The following GPHN variants were observed in gnomAD, a reference collection of about 807,000 sequenced individuals.
GPHN encodes gephyrin.
Under a neutral mutation model 95.5 loss-of-function variants are expected in GPHN, and 17 were observed. The observed-to-expected ratio is 0.18, with a 90% confidence interval of 0.12 to 0.27. The LOEUF is 0.27. Among genes scored for constraint, GPHN ranks in the 10% least tolerant of loss-of-function variants. GPHN has a pLI of 1.00. For missense variants in GPHN, 660 were observed against 978.1 expected (o/e 0.67, Z 4.34); for synonymous variants, 320 against 322.5 (o/e 0.99, Z 0.08).
At chr14:66,621,373 C>A (rs1176442918) in intron 1 of GPHN, among the ~76,000 whole-genome samples, 1 of 151,492 alleles carries the variant, frequency 6.6e-6, no homozygotes, top group Non-Finnish European at 1.5e-5. Context: ...CCTCGGCCTC[C>A]CAAAGTGCTG....
At chr14:67,168,174 C>T (rs1459754857) in intron 20 of GPHN, among the ~76,000 whole-genome samples, 1 of 152,186 alleles carries the variant, frequency 6.6e-6, no homozygotes, top group East Asian at 1.9e-4. Context: ...GGCCTCTCTC[C>T]CTGGCTTGTA....
the GPHN span, among the ~76,000 whole-genome samples, chr14:67,263,267 C>T: frequency 2.0e-5 from 3 of 152,076 alleles, no homozygotes; most frequent in Non-Finnish European, 2.9e-5. Context: ...CTCTCTTGTC[C>T]TCCTCCCACC....
chr14:67,281,704 GAAAC>G, the GPHN span, among the ~76,000 whole-genome samples: 2 of 152,104 alleles, frequency 1.3e-5, no homozygotes, highest in Non-Finnish European at 2.9e-5. Flanking sequence ...TCACAGTAAA[GAAAC>G]AAATATAGCT....
the GPHN span, among the ~76,000 whole-genome samples, chr14:67,600,678 C>G: frequency 6.6e-6 from 1 of 152,172 alleles, no homozygotes; most frequent in African/African-American, 2.4e-5. Flanking sequence ...CCCCCGGGTT[C>G]AAGCGATTCT....
At chr14:67,226,043 C>T in the GPHN span, among the ~76,000 whole-genome samples, 5 of 152,002 alleles carry the variant, frequency 3.3e-5, no homozygotes, top group African/African-American at 7.2e-5. Flanking sequence ...TGGTGGACCA[C>T]GGGTGGCCTG....
At chr14:67,258,315 G>T in the GPHN span, among the ~76,000 whole-genome samples, 2 of 152,044 alleles carry the variant, frequency 1.3e-5, no homozygotes, top group Non-Finnish European at 2.9e-5. Context: ...CAGGTGGATC[G>T]CATGAGCTCA....
intron 1 of GPHN, among the ~76,000 whole-genome samples, chr14:66,643,215 A>G (rs2064532508): frequency 6.6e-6 from 1 of 152,118 alleles, no homozygotes; most frequent in Non-Finnish European, 1.5e-5. Context: ...ATATTTCTAC[A>G]CACCCACCAG....
chr14:66,854,520 A>G (rs528189075), intron 4 of GPHN, among the ~76,000 whole-genome samples: 298 of 152,350 alleles, frequency 2.0e-3, no homozygotes, highest in African/African-American at 6.7e-3. Flanking sequence ...CTAATTTAAA[A>G]CACAAATATA....
chr14:67,020,917 A>G (rs1371228567), intron 9 of GPHN, among the ~76,000 whole-genome samples: 1 of 152,108 alleles, frequency 6.6e-6, no homozygotes, highest in Non-Finnish European at 1.5e-5. Flanking sequence ...CCCATAGAGT[A>G]AAGCCAGGGT....
intron 9 of GPHN, among the ~76,000 whole-genome samples, chr14:67,000,987 C>T (rs561176169): frequency 6.6e-6 from 1 of 151,514 alleles, no homozygotes; most frequent in South Asian, 2.1e-4. Flanking sequence ...TGTATATTGC[C>T]TCATATAATG....
At chr14:67,612,563 T>A in the GPHN span, among the ~76,000 whole-genome samples, 37 of 152,280 alleles carry the variant, frequency 2.4e-4, no homozygotes, top group South Asian at 7.1e-3. Context: ...TGGTGTTCTT[T>A]TAAGCAAGGT....
the GPHN span, chr14:67,725,228 G>A: frequency 1.5e-4 from 246 of 1,613,656 alleles, no homozygotes; most frequent in Admixed American, 2.0e-4. Flanking sequence ...AAATCTATCC[G>A]AGCCTTTGCT....
At chr14:67,662,660 C>T in the GPHN span, 3 of 852,128 alleles carry the variant, frequency 3.5e-6, no homozygotes, top group Admixed American at 3.2e-5. Context: ...AATCCCAGCA[C>T]TTTGGGAGGC....
intron 2 of GPHN, among the ~76,000 whole-genome samples, chr14:66,743,526 G>A (rs976395025): frequency 6.6e-6 from 1 of 151,902 alleles, no homozygotes; most frequent in Non-Finnish European, 1.5e-5. Flanking sequence ...CACGAGGTGA[G>A]GAGATCGAGA....
At chr14:66,640,245 A>G (rs1382489832) in intron 1 of GPHN, among the ~76,000 whole-genome samples, 2 of 151,754 alleles carry the variant, frequency 1.3e-5, no homozygotes, top group African/African-American at 2.4e-5. Context: ...ACATGGTGAA[A>G]CTCCATTCCT....
chr14:66,580,997 C>T (rs186598683), intron 1 of GPHN, among the ~76,000 whole-genome samples: 206 of 151,850 alleles, frequency 1.4e-3, no homozygotes, highest in Non-Finnish European at 2.4e-3. Context: ...GCATTTATGT[C>T]TGTGGTTCAA....
At position 66,611,494 on chromosome 14, in the gene GPHN, T is replaced by TAGTA. The variant is rs1305506930; in HGVS notation, c.65-69612_65-69609dup. On this transcript the variant is annotated intron_variant, in intron 1 of 22. Coordinates refer to ENST00000478722, the MANE Select transcript of GPHN (RefSeq NM_020806.5). ...TCTGGAATCCTTGCTTTTGCTTTTA[T>TAGTA]AGTAGTTCCATAACAAGGTTATTTT... Among the ~76,000 whole-genome samples the TAGTA allele has an allele frequency of 3.9e-5, 6 of 152,128 alleles. No homozygotes were observed. In the East Asian group the frequency reaches 1.2e-3, roughly 29 times the overall value.
intron 11 of GPHN, among the ~76,000 whole-genome samples, chr14:67,070,850 G>C (rs2076274074): frequency 6.6e-6 from 1 of 151,396 alleles, no homozygotes; most frequent in African/African-American, 2.4e-5. Flanking sequence ...TATTTTTATA[G>C]CTATGTAATT....
the GPHN span, among the ~76,000 whole-genome samples, chr14:67,674,203 ACT>A: frequency 1.3e-5 from 2 of 152,142 alleles, no homozygotes; most frequent in East Asian, 3.9e-4. Context: ...GGTCCAATTT[ACT>A]CTCAGTGGCA....
Sources: gnomAD v4.1 joint callset for allele counts (sites outside exome capture counted in the v4.1 genomes callset) on GRCh38, gnomAD v4.1.1 for gene constraint, MANE v1.5 for transcripts, NCBI Gene and HGNC (gene_info 2026-07-23, HGNC 2026-07-21) for gene names.